The following NPAS2 variants were observed in gnomAD, a reference collection of about 807,000 sequenced individuals.
The protein encoded by NPAS2 is neuronal PAS domain protein 2.
In NPAS2, 23 loss-of-function variants were observed where a neutral mutation model predicts 107.5. The observed-to-expected ratio is 0.21, with a 90% CI of 0.15 to 0.30. The LOEUF is 0.30. NPAS2 is among the 10% of genes least tolerant of loss of function. The pLI is 1.00. For missense variants in NPAS2, 756 were observed against 1,043.3 expected (o/e 0.72, Z 3.79); for synonymous variants, 403 against 417.5 (o/e 0.97, Z 0.42).
At chr2:100,920,086 T>C (rs910706851) in intron 2 of NPAS2, among the ~76,000 whole-genome samples, 3 of 152,172 alleles carry the variant, frequency 2.0e-5, no homozygotes, top group Non-Finnish European at 4.4e-5. Flanking sequence ...ATACTCTTCC[T>C]GTCTCTAATT....
intron 1 of NPAS2, among the ~76,000 whole-genome samples, chr2:100,873,341 C>CAT (rs1182571813): frequency 8.1e-6 from 1 of 123,036 alleles, no homozygotes; most frequent in African/African-American, 3.1e-5. Context: ...CACACACACA[C>CAT]ATATATACAT....
chr2:100,990,198 G>A, intron 17 of NPAS2, 58 bp from the exon 18 acceptor site: 1 of 1,543,406 alleles, frequency 6.5e-7, no homozygotes. Context: ...AGGTTTCCTG[G>A]AGAGATGGCC....
intron 2 of NPAS2, among the ~76,000 whole-genome samples, chr2:100,906,202 G>T (rs1682135045): frequency 6.6e-6 from 1 of 152,200 alleles, no homozygotes; most frequent in Admixed American, 6.5e-5. Flanking sequence ...TGGGACCCAG[G>T]TGCTTTGCAA....
intron 15 of NPAS2, among the ~76,000 whole-genome samples, chr2:100,978,729 G>A (rs1200367935): frequency 8.5e-5 from 13 of 152,306 alleles, no homozygotes; most frequent in African/African-American, 2.2e-4. Flanking sequence ...AGACGCCGCC[G>A]TGGCAGGGCA....
At chr2:100,866,508 T>C (rs1679265393) in intron 1 of NPAS2, among the ~76,000 whole-genome samples, 1 of 152,170 alleles carries the variant, frequency 6.6e-6, no homozygotes, top group African/African-American at 2.4e-5. Context: ...AACGCAGATG[T>C]TGGGTGCTTT....
intron 7 of NPAS2, among the ~76,000 whole-genome samples, chr2:100,952,751 A>G (rs915936255): frequency 2.0e-5 from 3 of 149,168 alleles, no homozygotes; most frequent in Non-Finnish European, 4.4e-5. Flanking sequence ...CATTCTGAAT[A>G]CCTGGGACTT....
At chr2:100,878,204 C>A (rs935416747) in intron 1 of NPAS2, 142 of 985,228 alleles carry the variant, frequency 1.4e-4, no homozygotes, top group Non-Finnish European at 4.1e-5. Context: ...GTGGCCCTGG[C>A]TCCAGATGCT....
chr2:100,861,972 T>G (rs1678969432), intron 1 of NPAS2, among the ~76,000 whole-genome samples: 1 of 152,192 alleles, frequency 6.6e-6, no homozygotes. Context: ...GAAAAGAATG[T>G]GTGTATATGT....
chr2:100,897,277 C>G (rs1451372696), intron 1 of NPAS2, among the ~76,000 whole-genome samples: 1 of 152,018 alleles, frequency 6.6e-6, no homozygotes, highest in Non-Finnish European at 1.5e-5. Context: ...CATAGCTGGG[C>G]GAGCCATCGT....
At chr2:100,956,635 C>T (rs952943399) in intron 7 of NPAS2, among the ~76,000 whole-genome samples, 2 of 152,164 alleles carry the variant, frequency 1.3e-5, no homozygotes, top group South Asian at 2.1e-4. Context: ...CTGAGAGAGT[C>T]CCTGGGCCAC....
intron 16 of NPAS2, 126 bp from the exon 17 acceptor site, chr2:100,987,953 T>C: frequency 1.0e-6 from 1 of 997,302 alleles, no homozygotes; most frequent in East Asian, 2.4e-5. Flanking sequence ...ACCAGTGGAG[T>C]AAATGAACTA....
At chr2:100,958,512 C>A (rs962762033) in intron 7 of NPAS2, among the ~76,000 whole-genome samples, 1 of 152,138 alleles carries the variant, frequency 6.6e-6, no homozygotes, top group East Asian at 1.9e-4. Context: ...AGAATCAGGC[C>A]GTCCTTCCCC....
intron 7 of NPAS2, 112 bp downstream of exon 7, chr2:100,949,592 T>A: frequency 1.5e-6 from 1 of 657,576 alleles, no homozygotes; most frequent in Non-Finnish European, 2.7e-6. Context: ...GCTTTTCACA[T>A]TTGCATTTGA....
At chr2:100,819,243 G>A (rs1675902418), upstream of NPAS2, among the ~76,000 whole-genome samples, 1 of 152,166 alleles carries the variant, frequency 6.6e-6, no homozygotes, top group African/African-American at 2.4e-5. The surrounding 1 kb of genome is among the most constrained non-coding windows in gnomAD (Gnocchi z 5.8). Context: ...GGCAGCGGAG[G>A]AGGGGAGGGA....
upstream of NPAS2, among the ~76,000 whole-genome samples, chr2:100,819,848 C>T (rs1324017714): frequency 8.5e-5 from 13 of 152,244 alleles, no homozygotes. The surrounding 1 kb of genome is among the most constrained non-coding windows in gnomAD (Gnocchi z 5.8). Context: ...AGGCCCGACC[C>T]CGCCGCGCGT....
intron 1 of NPAS2, among the ~76,000 whole-genome samples, chr2:100,842,741 C>T (rs1323231351): frequency 6.6e-6 from 1 of 152,190 alleles, no homozygotes; most frequent in Non-Finnish European, 1.5e-5. Context: ...GCACAGCCCA[C>T]AGGTGCATTG....
intron 1 of NPAS2, chr2:100,878,266 C>A: frequency 1.0e-6 from 1 of 985,394 alleles, no homozygotes; most frequent in African/African-American, 1.7e-5. Flanking sequence ...CCGAGGAGCT[C>A]GGGAGGGAGC....
chr2:100,872,752 A>G (rs1679656699), intron 1 of NPAS2, among the ~76,000 whole-genome samples: 1 of 152,152 alleles, frequency 6.6e-6, no homozygotes, highest in African/African-American at 2.4e-5. Context: ...ACACTGGATG[A>G]GAAGCCCAGA....
chr2:100,940,663 G>C (rs1389935953), intron 5 of NPAS2, among the ~76,000 whole-genome samples: 1 of 152,160 alleles, frequency 6.6e-6, no homozygotes, highest in Non-Finnish European at 1.5e-5. Flanking sequence ...TAGTTACCCA[G>C]TTCACAGATG....
Sources: allele counts gnomAD v4.1 joint callset (sites outside exome capture counted in the v4.1 genomes callset), GRCh38; gene constraint gnomAD v4.1.1; non-coding constraint Gnocchi (gnomAD v3.1); transcripts MANE v1.5; gene names NCBI Gene and HGNC (gene_info 2026-07-23, HGNC 2026-07-21).